The following TLR7 variants were observed in gnomAD, a reference collection of about 807,000 sequenced individuals.
TLR7 encodes toll-like receptor 7.
Under a neutral mutation model 38.3 loss-of-function variants are expected in TLR7, and 12 were observed. The ratio of observed to expected loss-of-function variants is 0.31; its 90% confidence interval spans 0.20 to 0.51. The LOEUF is 0.51. TLR7 is among the 20% of genes least tolerant of loss of function. The probability of loss-of-function intolerance (pLI) is 0.98; values close to 1 mark genes in which losing one functional copy is unlikely to be tolerated. For synonymous variants in TLR7, 285 were observed against 293.8 expected (o/e 0.97, Z 0.31); for missense variants, 504 against 743.4 (o/e 0.68, Z 3.74).
chrX:12,871,652 G>A (rs1343423220), intron 2 of TLR7, among the ~76,000 whole-genome samples: 1 of 111,502 alleles, frequency 9.0e-6, no homozygotes, highest in African/African-American at 3.3e-5. Context: ...TTTAAACTCA[G>A]GCAACTTGGC....
At chrX:12,870,978 A>G (rs1317657819) in intron 2 of TLR7, among the ~76,000 whole-genome samples, 4 of 112,006 alleles carry the variant, frequency 3.6e-5, no homozygotes, top group Non-Finnish European at 7.5e-5. Context: ...TGAGAGCCCT[A>G]TGGTCTTTGG....
chrX:12,882,428 G>A (rs1363220142), intron 2 of TLR7, among the ~76,000 whole-genome samples: 1 of 108,638 alleles, frequency 9.2e-6, no homozygotes, highest in African/African-American at 3.4e-5. Context: ...GGACAGGTGC[G>A]AGAAAAAAGT....
rs1229266612 is a variant in TLR7, at chrX:12,887,566, G to A, written c.2058G>A (p.Gly686=). 5.8e-6 allele frequency: 7 copies of A among 1,209,101 alleles called. No homozygotes were observed. Among genetic ancestry groups the A allele is most frequent in the Non-Finnish European group, 7.8e-6 (7 of 895,124 alleles). The change falls in exon 3 of 3, where the codon GGG becomes GGA. Residue 686 remains glycine, a synonymous_variant. Coordinates refer to ENST00000380659, the MANE Select transcript of TLR7 (RefSeq NM_016562.4). ...AGAATCTCTCTTTGGCCAAAAATGG[G>A]CTCAAATCTTTCAGTTGGAAGAAAC... ...NLKNLSLAKN[G]LKSFSWKKLQ...
At chrX:12,868,931 G>A (rs928209182) in intron 2 of TLR7, among the ~76,000 whole-genome samples, 1 of 111,982 alleles carries the variant, frequency 8.9e-6, no homozygotes, top group African/African-American at 3.3e-5. Context: ...TGGCATAATG[G>A]GAATGATAGT....
intron 2 of TLR7, among the ~76,000 whole-genome samples, chrX:12,881,566 A>G (rs1394517260): frequency 2.9e-5 from 3 of 102,997 alleles, no homozygotes; most frequent in Non-Finnish European, 6.0e-5. Context: ...ATTCTTTTTA[A>G]TAAATAATAA....
chrX:12,879,579 T>C (rs1476145451), intron 2 of TLR7, among the ~76,000 whole-genome samples: 3 of 111,706 alleles, frequency 2.7e-5, no homozygotes, highest in African/African-American at 9.8e-5. Flanking sequence ...TAGCTCATTT[T>C]TCTCATGTGC....
At chrX:12,878,998 T>C (rs529423713) in intron 2 of TLR7, among the ~76,000 whole-genome samples, 60 of 112,399 alleles carry the variant, frequency 5.3e-4, no homozygotes, top group Middle Eastern at 9.3e-3. Context: ...CAGGATGTCT[T>C]ACTCAACTTA....
At position 12,888,956 on chromosome X, in the gene TLR7, A is replaced by T; in HGVS notation, c.*298A>T. On this transcript the variant is annotated 3_prime_UTR_variant, in exon 3 of 3. Transcript: ENST00000380659. Reference sequence around the variant, plus strand: ...GGGCTCTGATTCTCCTGTAATTGTGATAATTAAATATACACACAATCATGA... The same window carrying T: ...GGGCTCTGATTCTCCTGTAATTGTGTTAATTAAATATACACACAATCATGA... The T allele has an allele frequency of 4.2e-6, 1 of 240,413 alleles. No homozygotes were observed. Among genetic ancestry groups the T allele is most frequent in the South Asian group, 1.7e-4 (1 of 6,043 alleles). The allele number at this position is 240,413 out of a possible 1,213,427, so 19.8% of individuals were successfully genotyped here. A position where few individuals can be genotyped will look rare whatever the true frequency, so the allele number is the denominator to read the frequency against.
At chrX:12,868,802 C>A (rs1245107203) in intron 2 of TLR7, among the ~76,000 whole-genome samples, 1 of 111,612 alleles carries the variant, frequency 9.0e-6, no homozygotes, top group African/African-American at 3.3e-5. Flanking sequence ...TCTAATGAAG[C>A]ATTAACCATG....
In TLR7 at chrX:12,887,505, C is replaced by T; in HGVS notation, c.1997C>T (p.Pro666Leu). Residue 666 changes from proline (P) to leucine (L), a missense_variant, in exon 3 of 3, where the codon CCT becomes CTT. Physicochemically the swap from Pro to Leu is moderately conservative, Grantham distance 98 (BLOSUM62 -3). Transcript: ENST00000380659. ...DISKNSLSFL[P>L]SGVFDGMPPN... ...TCTAAAAATTCCCTAAGTTTCTTGC[C>T]TTCTGGAGTTTTTGATGGTATGCCT... The T allele has an allele frequency of 8.3e-7, 1 of 1,210,954 alleles. No homozygotes were observed. The highest frequency in any genetic ancestry group is 1.1e-6 in the Non-Finnish European group (1 of 894,848).
Position 12,878,474 on chromosome X carries a change from A to C in TLR7, c.4-7038A>C, listed in dbSNP as rs1330468803. The stretch of plus-strand genomic sequence containing the variant: ...ATATTTACCATCTGGCCCTTTACAG[A>C]ATAAGTTTGCTGACTTATTGGTCTG... On this transcript the variant is annotated intron_variant, in intron 2 of 2. Coordinates refer to ENST00000380659, the MANE Select transcript of TLR7 (RefSeq NM_016562.4). Among the ~76,000 whole-genome samples the C allele has an allele frequency of 2.7e-5, 3 of 112,167 alleles. No individual in the cohort carries two copies. The East Asian group carries it at 8.3e-4, about 31-fold the overall frequency.
In TLR7 at chrX:12,878,469, T is replaced by C. The variant is rs543573291; in HGVS notation, c.4-7043T>C. 1.9e-4 allele frequency among the ~76,000 whole-genome samples: 21 copies of C among 112,215 alleles called. No individual in the cohort carries two copies. In the South Asian group the frequency reaches 7.8e-3, roughly 42 times the overall value. On this transcript the variant is annotated intron_variant, in intron 2 of 2. Coordinates refer to ENST00000380659, the MANE Select transcript of TLR7 (RefSeq NM_016562.4). ...CTAAAATATTTACCATCTGGCCCTT[T>C]ACAGAATAAGTTTGCTGACTTATTG...
chrX:12,876,528 ATT>A (rs1230255311), intron 2 of TLR7, among the ~76,000 whole-genome samples: 5 of 112,010 alleles, frequency 4.5e-5, no homozygotes, highest in Non-Finnish European at 9.4e-5. Context: ...AAATGAGAAT[ATT>A]TATATGGCCT....
chrX:12,888,014 G>A lies in TLR7; in HGVS notation c.2506G>A (p.Asp836Asn). ...ISLDLYTCEL[D>N]LTNLILFSLS... ...CCTGGATCTGTACACCTGTGAGTTAGATCTGACTAACCTGATTCTGTTCTC... is the reference window on the plus strand; with the variant it reads ...CCTGGATCTGTACACCTGTGAGTTAAATCTGACTAACCTGATTCTGTTCTC... Residue 836 changes from aspartate to asparagine, a missense_variant, in exon 3 of 3, where the codon GAT becomes AAT. Physicochemically the swap from Asp to Asn is conservative, Grantham distance 23. Coordinates refer to ENST00000380659, the MANE Select transcript of TLR7 (RefSeq NM_016562.4). The A allele has an allele frequency of 1.7e-6, 2 of 1,211,535 alleles. No individual in the cohort carries two copies. Among genetic ancestry groups the A allele is most frequent in the Non-Finnish European group, 2.2e-6 (2 of 895,294 alleles).
rs202063253 is a variant in TLR7 at position 12,886,396 on chromosome X, T to A, written c.888T>A (p.Arg296=). Residue 296 remains arginine (R), a synonymous_variant, in exon 3 of 3, where the codon CGT becomes CGA. Transcript: ENST00000380659. ...FDALTELKVL[R]LHSNSLQHVP... is the part of the protein sequence containing the mutation. ...CGCTGACAGAATTAAAAGTTTTACG[T>A]CTACACAGTAACTCTCTTCAGCATG... 8.3e-7 allele frequency: 1 copy of A among 1,211,942 alleles called. No individual in the cohort carries two copies. The highest frequency in any genetic ancestry group is 1.1e-6 in the Non-Finnish European group (1 of 895,464).
intron 2 of TLR7, among the ~76,000 whole-genome samples, chrX:12,884,937 G>T (rs1460462922): frequency 8.8e-6 from 1 of 113,036 alleles, no homozygotes; most frequent in Non-Finnish European, 1.9e-5. Flanking sequence ...TGCCAGAATG[G>T]CAGGAATGTA....
At chrX:12,882,382 T>C (rs988438858) in intron 2 of TLR7, among the ~76,000 whole-genome samples, 1 of 109,038 alleles carries the variant, frequency 9.2e-6, no homozygotes, top group East Asian at 2.9e-4. Flanking sequence ...AATGACTAAT[T>C]GGAGTTGGGA....
intron 2 of TLR7, among the ~76,000 whole-genome samples, chrX:12,870,013 T>C (rs1389409878): frequency 9.1e-6 from 1 of 110,194 alleles, no homozygotes; most frequent in Non-Finnish European, 1.9e-5. Context: ...AATGGATAAG[T>C]ACCGTGTATT....
Position 12,888,837 on chromosome X carries a change from T to C in TLR7, c.*179T>C, listed in dbSNP as rs201428022. 2.4e-6 allele frequency: 1 copy of C among 409,072 alleles called. No homozygotes were observed. The highest frequency in any genetic ancestry group is 4.0e-6 in the Non-Finnish European group (1 of 250,220). The allele number at this position is 409,072 out of a possible 1,213,427, so 33.7% of individuals were successfully genotyped here. On this transcript the variant is annotated 3_prime_UTR_variant, in exon 3 of 3. Transcript: ENST00000380659. ...AGTTGGAAAGATGGGGTTTATATAA[T>C]GCATCAAGTCTTCTTTCTTATCTCT... is the stretch of plus-strand genomic sequence containing the variant.
Sources: gnomAD v4.1 joint callset for allele counts (sites outside exome capture counted in the v4.1 genomes callset) on GRCh38, gnomAD v4.1.1 for gene constraint, MANE v1.5 for transcripts, NCBI Gene and HGNC (gene_info 2026-07-23, HGNC 2026-07-21) for gene names.